CASR: variants seen among roughly 807,000 people sequenced by gnomAD.
CASR encodes the protein extracellular calcium-sensing receptor.
Under a neutral mutation model 69.1 loss-of-function variants are expected in CASR, and 23 were observed. That is an observed-to-expected ratio of 0.33 (90% CI 0.24 to 0.47). The LOEUF (loss-of-function observed/expected upper bound fraction) is 0.47, where lower values mean the gene tolerates loss of function less well. Among genes scored for constraint, CASR ranks in the 20% least tolerant of loss-of-function variants. CASR has a pLI of 1.00. For missense variants in CASR, 924 were observed against 1,356.1 expected, an observed-to-expected ratio of 0.68 and a Z score of 5.00; for synonymous variants, 541 against 544.7, an observed-to-expected ratio of 0.99 and a Z score of 0.10.
At chr3:122,208,295 G>C (rs1456762171) in intron 1 of CASR, among the ~76,000 whole-genome samples, 1 of 152,074 alleles carries the variant, frequency 6.6e-6, no homozygotes, top group Non-Finnish European at 1.5e-5. Context: ...TCCCACCTTA[G>C]CCTCTTGAGC....
chr3:122,259,101 G>T (rs1440548406), intron 3 of CASR, among the ~76,000 whole-genome samples: 1 of 152,042 alleles, frequency 6.6e-6, no homozygotes, highest in East Asian at 1.9e-4. Context: ...TTTCTGAGGG[G>T]TTTTTTGGGG....
At chr3:122,283,289 A>T (rs1040826251) in intron 6 of CASR, among the ~76,000 whole-genome samples, 2 of 152,252 alleles carry the variant, frequency 1.3e-5, no homozygotes, top group Non-Finnish European at 2.9e-5. Flanking sequence ...AATAATATTT[A>T]AATAAATAAA....
rs76438850 is a variant in CASR at position 122,261,797 on chromosome 3, T to C, written c.762T>C (p.His254=). The change falls in exon 4 of 7, where the codon CAT becomes CAC. Residue 254 remains histidine (H), a synonymous_variant. Coordinates refer to ENST00000639785, the MANE Select transcript of CASR (RefSeq NM_000388.4). ...SQYSDEEEIQ[H]VVEVIQNSTA... is the part of the protein sequence containing the mutation. ...ACTCTGATGAGGAAGAGATCCAGCA[T>C]GTGGTAGAGGTGATTCAAAATTCCA... 255 of 1,614,220 alleles carry C rather than the reference T, an allele frequency of 1.6e-4. 2 individuals carry two copies. The East Asian group carries it at 5.5e-3, about 35-fold the overall frequency.
At position 122,262,224 on chromosome 3, in the gene CASR, G is replaced by A. The variant is rs1064794291; in HGVS notation, c.1189G>A (p.Gly397Arg). 1.2e-6 allele frequency: 2 copies of A among 1,614,104 alleles called. No homozygotes were observed. Among genetic ancestry groups the A allele is most frequent in the Non-Finnish European group, 1.7e-6 (2 of 1,180,040 alleles). ...GACAGCCTTCCGACCCCTCTGTACA[G>A]GGGATGAGAACATCAGCAGTGTCGA... is the stretch of plus-strand genomic sequence containing the variant. The part of the protein sequence containing the change: ...SSTAFRPLCT[G>R]DENISSVETP... Residue 397 changes from glycine to arginine, a missense_variant, in exon 4 of 7, where the codon GGG (glycine) becomes AGG (arginine). Around this residue, in one of 8 missense-constraint regions of CASR, gnomAD observed 310 missense variants for 395.7 expected, o/e 0.78. Coordinates refer to ENST00000639785, the MANE Select transcript of CASR (RefSeq NM_000388.4).
At chr3:122,207,440 A>G (rs998823377) in intron 1 of CASR, among the ~76,000 whole-genome samples, 19 of 152,278 alleles carry the variant, frequency 1.2e-4, no homozygotes, top group East Asian at 9.6e-4. Flanking sequence ...GTCCAAACAC[A>G]TTTTTTAAAA....
At chr3:122,222,715 G>A (rs2074183776) in intron 1 of CASR, among the ~76,000 whole-genome samples, 2 of 151,900 alleles carry the variant, frequency 1.3e-5, no homozygotes, top group South Asian at 4.1e-4. Flanking sequence ...TGACCAATTG[G>A]ACCTAATAGA....
Position 122,289,662 on chromosome 3 carries a change from A to C in CASR, c.*4471A>C, listed in dbSNP as rs12486623. The stretch of plus-strand genomic sequence containing the variant: ...AGGGACAACTGTGACTCTAGCACCG[A>C]GTGGGGCTAGGGGAACCTTCTCCTC... On this transcript the variant is annotated 3_prime_UTR_variant, in exon 7 of 7. Coordinates refer to ENST00000639785, the MANE Select transcript of CASR (RefSeq NM_000388.4). 53,921 of 152,326 alleles carry C rather than the reference A, an allele frequency of 0.35. 10,534 individuals are homozygous for C. Among genetic ancestry groups the C allele is most frequent in the African/African-American group, 0.52 (21,469 of 41,452 alleles). The allele number at this position is 152,326 out of a possible 1,614,324, so 9.4% of individuals were successfully genotyped here.
intron 1 of CASR, among the ~76,000 whole-genome samples, chr3:122,231,275 A>G (rs190717016): frequency 2.6e-5 from 4 of 152,296 alleles, no homozygotes; most frequent in Admixed American, 2.6e-4. Context: ...TGCTGTTTGA[A>G]GGTGGCCATC....
chr3:122,226,898 T>G (rs1175967906), intron 1 of CASR, among the ~76,000 whole-genome samples: 2 of 152,156 alleles, frequency 1.3e-5, no homozygotes, highest in Non-Finnish European at 2.9e-5. Context: ...ATCCTTGAGC[T>G]AGATACAGAG....
At chr3:122,205,167 G>A (rs756397129) in intron 1 of CASR, among the ~76,000 whole-genome samples, 11 of 152,010 alleles carry the variant, frequency 7.2e-5, no homozygotes, top group Admixed American at 2.6e-4. Flanking sequence ...CCAATGTCCC[G>A]AAGCATTTCC....
chr3:122,196,627 T>C (rs2073893969), intron 1 of CASR, among the ~76,000 whole-genome samples: 1 of 152,038 alleles, frequency 6.6e-6, no homozygotes, highest in African/African-American at 2.4e-5. Context: ...AGCCTTGACC[T>C]CCCCAGGCTC....
At chr3:122,197,042 G>A (rs1254273347) in intron 1 of CASR, among the ~76,000 whole-genome samples, 1 of 152,092 alleles carries the variant, frequency 6.6e-6, no homozygotes, top group Non-Finnish European at 1.5e-5. Flanking sequence ...CCAAGATGCT[G>A]TACATTAGAG....
rs2107650764 is a variant in CASR at position 122,284,537 on chromosome 3, C to T, written c.2583C>T (p.Leu861=). ...CIFFNKIYII[L]FKPSRNTIEE... Reference sequence around the variant, plus strand: ...TCTTCAACAAGATCTACATCATTCTCTTCAAGCCATCCCGCAACACCATCG... The same window carrying T: ...TCTTCAACAAGATCTACATCATTCTTTTCAAGCCATCCCGCAACACCATCG... The change falls in exon 7 of 7, where the codon CTC becomes CTT. Residue 861 remains leucine, a synonymous_variant. Coordinates refer to ENST00000639785, the MANE Select transcript of CASR (RefSeq NM_000388.4). 1 of 1,613,918 alleles carries T rather than the reference C, an allele frequency of 6.2e-7. No individual in the cohort carries two copies. The highest frequency in any genetic ancestry group is 8.5e-7 in the Non-Finnish European group (1 of 1,180,054).
chr3:122,244,825 T>C (rs970043657), intron 1 of CASR, among the ~76,000 whole-genome samples: 22 of 152,102 alleles, frequency 1.4e-4, no homozygotes, highest in Admixed American at 1.4e-3. Context: ...ACAAATAGGA[T>C]GGAAGATAAG....
chr3:122,274,536 A>G (rs980169298), intron 4 of CASR, among the ~76,000 whole-genome samples: 9 of 152,228 alleles, frequency 5.9e-5, no homozygotes, highest in Admixed American at 6.5e-5. Context: ...TATTAAGGCC[A>G]TTCATTAGAT....
intron 1 of CASR, among the ~76,000 whole-genome samples, chr3:122,221,468 G>A (rs959858277): frequency 2.6e-5 from 4 of 152,154 alleles, no homozygotes; most frequent in African/African-American, 7.2e-5. Context: ...TTCAGAGGAA[G>A]TTCTGAATTC....
intron 1 of CASR, among the ~76,000 whole-genome samples, chr3:122,231,068 C>A (rs1252719491): frequency 2.0e-5 from 3 of 152,158 alleles, no homozygotes; most frequent in Non-Finnish European, 4.4e-5. Flanking sequence ...TCATCATCCA[C>A]CTGCAGTCAC....
intron 1 of CASR, among the ~76,000 whole-genome samples, chr3:122,212,140 A>G (rs2074074383): frequency 6.6e-6 from 1 of 152,238 alleles, no homozygotes. Context: ...GCACAATAAC[A>G]AAGACATAGA....
At position 122,261,905 on chromosome 3, in the gene CASR, C is replaced by T. The variant is rs1576858604; in HGVS notation, c.870C>T (p.Gly290=). 1.2e-6 allele frequency: 2 copies of T among 1,614,222 alleles called. No individual in the cohort carries two copies. The change falls in exon 4 of 7, where the codon GGC becomes GGT. Residue 290 remains glycine (G), a synonymous_variant. Transcript: ENST00000639785. ...IKEIVRRNIT[G]KIWLASEAWA... ...AGATTGTCCGGCGCAATATCACGGG[C>T]AAGATCTGGCTGGCCAGCGAGGCCT... is the stretch of plus-strand genomic sequence containing the variant.
Sources: gnomAD v4.1 joint callset for allele counts (sites outside exome capture counted in the v4.1 genomes callset) on GRCh38, gnomAD v4.1.1 for gene constraint, gnomAD v4.1.1 regional missense constraint, MANE v1.5 for transcripts, NCBI Gene and HGNC (gene_info 2026-07-23, HGNC 2026-07-21) for gene names.